UBR3: variants seen among roughly 807,000 people sequenced by gnomAD.
UBR3 encodes the protein E3 ubiquitin-protein ligase UBR3.
A neutral mutation model predicts 243.2 loss-of-function variants in UBR3; 85 were observed. The observed-to-expected ratio is 0.35, with a 90% CI of 0.29 to 0.42. The LOEUF (loss-of-function observed/expected upper bound fraction) is 0.42, where lower values mean the gene tolerates loss of function less well. Ranked by LOEUF, UBR3 falls within the 10% of genes least tolerant of loss-of-function variation. The pLI is 1.00. For missense variants in UBR3, 1,686 were observed against 2,300.8 expected, an observed-to-expected ratio of 0.73 and a Z score of 5.47; for synonymous variants, 748 against 799.8, an observed-to-expected ratio of 0.94 and a Z score of 1.09.
At chr2:169,991,920 A>G (rs1438223516) in intron 25 of UBR3, among the ~76,000 whole-genome samples, 2 of 152,188 alleles carry the variant, frequency 1.3e-5, no homozygotes, top group Non-Finnish European at 2.9e-5. Context: ...GGGCCAAAGA[A>G]TAAATTACAA....
At chr2:170,050,419 A>G (rs983250633) in intron 32 of UBR3, among the ~76,000 whole-genome samples, 4 of 152,086 alleles carry the variant, frequency 2.6e-5, no homozygotes, top group African/African-American at 9.7e-5. Flanking sequence ...AAAATGTCTG[A>G]TACCTTCTTC....
intron 13 of UBR3, 139 bp downstream of exon 13, chr2:169,924,312 T>G (rs1410594896): frequency 1.5e-6 from 1 of 662,610 alleles, no homozygotes. Flanking sequence ...GTATTTTTGC[T>G]AGATTATGTT....
rs529054413 is a variant in UBR3 at position 169,842,441 on chromosome 2, T to C, written c.545+14389T>C. Among the ~76,000 whole-genome samples, 11 of 152,248 alleles carry C rather than the reference T, an allele frequency of 7.2e-5. No homozygotes were observed. In the East Asian group the frequency reaches 1.9e-3, roughly 27 times the overall value. ...TAAAAGCAGGCTGCCCTAGCCAGCA[T>C]TGGCAACCCTCTCGGGTCCCCTTCC... is the stretch of plus-strand genomic sequence containing the variant. On this transcript the variant is annotated intron_variant, in intron 1 of 38. Transcript: ENST00000272793.
Position 169,875,879 on chromosome 2 carries a change from G to A in UBR3, c.774G>A (p.Met258Ile). The change falls in exon 3 of 39, where the codon ATG (methionine) becomes ATA (isoleucine). Residue 258 changes from methionine (M) to isoleucine (I), a missense_variant. Coordinates refer to ENST00000272793, the MANE Select transcript of UBR3 (RefSeq NM_172070.4). Reference protein sequence around the residue: ...QISFLEDLTKMGGAMRSVLTQ... With the variant: ...QISFLEDLTKIGGAMRSVLTQ... ...CCTTTTTAGAAGACCTGACTAAAAT[G>A]GGAGGAGCAATGCGGTCTGTTCTTA... The A allele has an allele frequency of 6.5e-7, 1 of 1,550,144 alleles. No homozygotes were observed. The highest frequency in any genetic ancestry group is 1.2e-5 in the South Asian group (1 of 83,856).
chr2:169,997,337 G>T (rs550207769), intron 26 of UBR3, among the ~76,000 whole-genome samples: 4 of 152,214 alleles, frequency 2.6e-5, no homozygotes, highest in Non-Finnish European at 4.4e-5. Flanking sequence ...CTCTTCCTGT[G>T]GTGGGGCCAG....
intron 10 of UBR3, among the ~76,000 whole-genome samples, chr2:169,908,821 CTTT>C (rs11388865): frequency 0.27 from 33,926 of 123,588 alleles, 4,534 homozygotes; most frequent in Non-Finnish European, 0.36. Flanking sequence ...GTGATTGGTC[CTTT>C]TTTTTTTTTT....
intron 18 of UBR3, among the ~76,000 whole-genome samples, chr2:169,931,945 A>G (rs977333555): frequency 6.6e-6 from 1 of 152,216 alleles, no homozygotes; most frequent in African/African-American, 2.4e-5. Context: ...CACATTCCAC[A>G]CACAAGATAG....
At chr2:169,837,697 A>C (rs2082154390) in intron 1 of UBR3, among the ~76,000 whole-genome samples, 1 of 152,138 alleles carries the variant, frequency 6.6e-6, no homozygotes, top group Non-Finnish European at 1.5e-5. Context: ...CTATCATGAG[A>C]ACAACATAGG....
At chr2:169,842,357 C>T (rs1235227861) in intron 1 of UBR3, among the ~76,000 whole-genome samples, 1 of 152,134 alleles carries the variant, frequency 6.6e-6, no homozygotes, top group Admixed American at 6.5e-5. Context: ...AGCGCCCTGA[C>T]AAAACAGGCC....
At chr2:170,073,378 A>C (rs1220261600) in intron 35 of UBR3, 50 bp from the exon 36 acceptor site, 1 of 1,603,588 alleles carries the variant, frequency 6.2e-7, no homozygotes, top group East Asian at 2.2e-5. Context: ...ATGTAATAGG[A>C]AATGTTCTTG....
chr2:169,881,145 C>T (rs972804099), intron 5 of UBR3, among the ~76,000 whole-genome samples: 1 of 152,022 alleles, frequency 6.6e-6, no homozygotes, highest in Non-Finnish European at 1.5e-5. Flanking sequence ...ATATTTAATA[C>T]ATTTAAGTAG....
intron 14 of UBR3, 65 bp from the exon 15 acceptor site, chr2:169,926,627 A>G (rs2085921379): frequency 2.1e-6 from 3 of 1,443,922 alleles, no homozygotes; most frequent in Non-Finnish European, 2.8e-6. Context: ...AGTATAGAAA[A>G]ACATGATTAA....
chr2:169,895,251 T>C lies in UBR3; in HGVS notation c.1176T>C (p.Tyr392=). 11 of 1,546,250 alleles carry C rather than the reference T, an allele frequency of 7.1e-6. No individual in the cohort carries two copies. Among genetic ancestry groups the C allele is most frequent in the Non-Finnish European group, 9.6e-6 (11 of 1,145,450 alleles). Residue 392 remains tyrosine (Y), a synonymous_variant, in exon 7 of 39, where the codon TAT becomes TAC. Transcript: ENST00000272793. ...AACTATTATTTTGGACTATAAAATA[T>C]GAATTCCCTCAAAAGATGGTAACTT... The part of the protein sequence containing the change: ...LEELLFWTIK[Y]EFPQKMVTFL...
At chr2:169,914,663 G>T (rs1432854983) in intron 11 of UBR3, among the ~76,000 whole-genome samples, 2 of 152,116 alleles carry the variant, frequency 1.3e-5, no homozygotes, top group Non-Finnish European at 2.9e-5. Context: ...TTATTCGTTG[G>T]CCAAGTTTAC....
intron 24 of UBR3, among the ~76,000 whole-genome samples, chr2:169,976,381 T>C (rs2088445383): frequency 6.6e-6 from 1 of 152,096 alleles, no homozygotes; most frequent in South Asian, 2.1e-4. Flanking sequence ...TTCATGATGG[T>C]GATTATTGCA....
intron 24 of UBR3, among the ~76,000 whole-genome samples, chr2:169,984,912 GTT>G (rs758197653): frequency 9.9e-5 from 15 of 151,978 alleles, no homozygotes; most frequent in East Asian, 5.8e-4. Context: ...TGTCATTGAA[GTT>G]TCTTTTAAAA....
At chr2:169,897,191 A>G (rs990226464) in intron 8 of UBR3, among the ~76,000 whole-genome samples, 3 of 152,076 alleles carry the variant, frequency 2.0e-5, no homozygotes, top group African/African-American at 4.8e-5. Flanking sequence ...CTTATTAGAC[A>G]TGTTTCTGCT....
chr2:169,976,929 C>G (rs557443498), intron 24 of UBR3, among the ~76,000 whole-genome samples: 2 of 152,096 alleles, frequency 1.3e-5, no homozygotes, highest in African/African-American at 4.8e-5. Context: ...TTTTCCCCCT[C>G]AAGTAATTTT....
Position 169,891,637 on chromosome 2 carries a change from C to CACACACACAA in UBR3, c.1105+409_1105+410insCACACAAACA, listed in dbSNP as rs1188085011. Reference sequence around the variant, plus strand: ...AGACACACACACACACACACACACACACAGGGAATGAACAAATAGTACTTA... The same window carrying CACACACACAA: ...AGACACACACACACACACACACACACACACACACAAACAGGGAATGAACAAATAGTACTTA... On this transcript the variant is annotated intron_variant, in intron 6 of 38. Coordinates refer to ENST00000272793, the MANE Select transcript of UBR3 (RefSeq NM_172070.4). Among the ~76,000 whole-genome samples the CACACACACAA allele has an allele frequency of 2.7e-3, 409 of 151,886 alleles. 3 individuals are homozygous for CACACACACAA. The highest frequency in any genetic ancestry group is 9.0e-3 in the African/African-American group (373 of 41,392).
Sources: gnomAD v4.1 joint callset for allele counts (sites outside exome capture counted in the v4.1 genomes callset) on GRCh38, gnomAD v4.1.1 for gene constraint, MANE v1.5 for transcripts, NCBI Gene and HGNC (gene_info 2026-07-23, HGNC 2026-07-21) for gene names.